The following TEN1 variants were observed in gnomAD, a reference collection of about 807,000 sequenced individuals.
TEN1 encodes CST complex subunit TEN1.
Under a neutral mutation model 9.3 loss-of-function variants are expected in TEN1, and 6 were observed. The ratio of observed to expected loss-of-function variants is 0.65; its 90% CI spans 0.35 to 1.27. The LOEUF is 1.27. Among genes scored for constraint, TEN1 ranks in the 50% most tolerant of loss-of-function variants. The pLI is 0.03. For synonymous variants in TEN1, 65 were observed against 65.6 expected (o/e 0.99, Z 0.04); for missense variants, 149 against 158.2 (o/e 0.94, Z 0.31).
chr17:75,991,089 G>T (rs1221122270), intron 2 of TEN1, among the ~76,000 whole-genome samples: 2 of 138,190 alleles, frequency 1.4e-5, no homozygotes, highest in East Asian at 4.3e-4. Flanking sequence ...GGCGGAGGTT[G>T]CAGTGAGCCG....
At chr17:75,995,881 C>G (rs570173336) in intron 3 of TEN1, among the ~76,000 whole-genome samples, 1 of 152,040 alleles carries the variant, frequency 6.6e-6, no homozygotes, top group South Asian at 2.1e-4. Flanking sequence ...TCACTTGAAC[C>G]CAGGAGTTTG....
chr17:75,986,343 ACCTC>A, intron 2 of TEN1, 59 bp downstream of exon 2: 2 of 1,351,354 alleles, frequency 1.5e-6, no homozygotes, highest in Non-Finnish European at 2.0e-6. Context: ...GTCTTTCTCT[ACCTC>A]CAAAAAGACA....
rs920919691 is a variant in TEN1, at chr17:76,000,329, G to A, written c.*67G>A. 22 of 1,498,126 alleles carry A rather than the reference G, an allele frequency of 1.5e-5. No individual in the cohort carries two copies. Among genetic ancestry groups the A allele is most frequent in the Middle Eastern group, 1.7e-4 (1 of 5,718 alleles). The allele number at this position is 1,498,126 out of a possible 1,614,324, so 92.8% of individuals were successfully genotyped here. A position where few individuals can be genotyped will look rare whatever the true frequency, so the allele number is the denominator to read the frequency against. On this transcript the variant is annotated 3_prime_UTR_variant, in exon 4 of 4. Coordinates refer to ENST00000397640, the MANE Select transcript of TEN1 (RefSeq NM_001113324.3). The surrounding 1 kb of genome is among the most constrained non-coding windows in gnomAD (Gnocchi z 5.9). ...GAACCCTCTGGAGCTGCAGGAGCCC[G>A]GGAGAGCACAGACGCCTCCCCAGCG...
chr17:75,991,346 T>C (rs2066184531), intron 2 of TEN1, 120 bp from the exon 3 acceptor site: 1 of 1,060,310 alleles, frequency 9.4e-7, no homozygotes, highest in Non-Finnish European at 1.4e-6. Context: ...GCAATTTGCA[T>C]TTCTGTGATG....
intron 2 of TEN1, among the ~76,000 whole-genome samples, chr17:75,987,565 A>T (rs149679853): frequency 1.6e-3 from 250 of 152,280 alleles, no homozygotes; most frequent in African/African-American, 5.6e-3. Context: ...GGATGTAAAT[A>T]TCGGGGGTGA....
chr17:75,989,978 C>T (rs1462238578), intron 2 of TEN1, among the ~76,000 whole-genome samples: 3 of 149,534 alleles, frequency 2.0e-5, no homozygotes, highest in Non-Finnish European at 3.0e-5. Context: ...AACACCTGGG[C>T]TCAAGCAATC....
intron 3 of TEN1, among the ~76,000 whole-genome samples, chr17:75,997,451 G>C (rs1289767157): frequency 6.6e-6 from 1 of 151,972 alleles, no homozygotes; most frequent in Non-Finnish European, 1.5e-5. Flanking sequence ...ATTGCTTTAT[G>C]AGCCAGCTAG....
At chr17:75,998,077 C>T (rs2066227872) in intron 3 of TEN1, among the ~76,000 whole-genome samples, 1 of 151,978 alleles carries the variant, frequency 6.6e-6, no homozygotes, top group Non-Finnish European at 1.5e-5. Flanking sequence ...GTCTTCAGCT[C>T]CTGACCTCAG....
intron 3 of TEN1, among the ~76,000 whole-genome samples, chr17:75,998,910 T>C (rs536703345): frequency 1.3e-5 from 2 of 152,232 alleles, no homozygotes; most frequent in South Asian, 2.1e-4. Flanking sequence ...AAGCTGGTCA[T>C]GAACTCCTGA....
intron 2 of TEN1, among the ~76,000 whole-genome samples, chr17:75,989,946 T>C (rs937365975): frequency 3.3e-5 from 5 of 150,718 alleles, no homozygotes; most frequent in African/African-American, 1.2e-4. Flanking sequence ...GGCATCTCGC[T>C]GTATTGCCCA....
intron 3 of TEN1, among the ~76,000 whole-genome samples, chr17:75,998,299 T>G (rs1455094691): frequency 6.7e-6 from 1 of 149,034 alleles, no homozygotes; most frequent in Non-Finnish European, 1.5e-5. Context: ...TCCCAAGTAG[T>G]CGGGCCTGGG....
chr17:75,986,317 T>A, intron 2 of TEN1, 33 bp downstream of exon 2: 1 of 1,497,306 alleles, frequency 6.7e-7, no homozygotes, highest in Middle Eastern at 1.7e-4. Context: ...CTGGTGGGGG[T>A]GATGATATGT....
intron 3 of TEN1, among the ~76,000 whole-genome samples, chr17:75,997,473 C>T (rs28533465): frequency 1.8e-4 from 28 of 152,112 alleles, no homozygotes; most frequent in Non-Finnish European, 3.8e-4. Flanking sequence ...ATCGAGGCCA[C>T]AGGCAGCCGT....
At chr17:75,982,797 G>A (rs1413223594) in intron 1 of TEN1, among the ~76,000 whole-genome samples, 4 of 151,420 alleles carry the variant, frequency 2.6e-5, no homozygotes, top group Non-Finnish European at 5.9e-5. Flanking sequence ...TGCAGCCTCC[G>A]CCTCCCGGGT....
At chr17:75,986,489 G>A (rs2066153231) in intron 2 of TEN1, among the ~76,000 whole-genome samples, 1 of 151,976 alleles carries the variant, frequency 6.6e-6, no homozygotes, top group Non-Finnish European at 1.5e-5. Context: ...ATCACCTGAG[G>A]TTGGGAGTTT....
At chr17:75,990,548 A>G (rs1397514974) in intron 2 of TEN1, among the ~76,000 whole-genome samples, 2 of 151,532 alleles carry the variant, frequency 1.3e-5, no homozygotes, top group Non-Finnish European at 2.9e-5. Flanking sequence ...GAAAAAAAAA[A>G]GATGGCCAGG....
intron 3 of TEN1, among the ~76,000 whole-genome samples, chr17:75,999,650 G>A (rs2066241046): frequency 6.6e-6 from 1 of 152,078 alleles, no homozygotes; most frequent in African/African-American, 2.4e-5. Flanking sequence ...TCAAAAGAAA[G>A]AAAATTTTTA....
At chr17:75,989,214 C>T (rs1327431465) in intron 2 of TEN1, among the ~76,000 whole-genome samples, 1 of 152,004 alleles carries the variant, frequency 6.6e-6, no homozygotes, top group Admixed American at 6.6e-5. Context: ...ATTCTCCTGC[C>T]TCAGCCTCCC....
intron 3 of TEN1, among the ~76,000 whole-genome samples, chr17:75,999,778 G>C (rs1428442364): frequency 6.6e-6 from 1 of 152,124 alleles, no homozygotes; most frequent in African/African-American, 2.4e-5. Flanking sequence ...AGGGTGGGAT[G>C]ACCTGCTCCT....
Sources: allele counts gnomAD v4.1 joint callset (sites outside exome capture counted in the v4.1 genomes callset), GRCh38; gene constraint gnomAD v4.1.1; non-coding constraint Gnocchi (gnomAD v3.1); transcripts MANE v1.5; gene names NCBI Gene and HGNC (gene_info 2026-07-23, HGNC 2026-07-21).